The following NRXN1 variants were observed in gnomAD, a reference collection of about 807,000 sequenced individuals.
NRXN1 encodes the protein neurexin-1.
NRXN1 carries 39 observed loss-of-function variants against 150.9 expected under a neutral mutation model. The observed-to-expected ratio is 0.26, with a 90% CI of 0.20 to 0.34. The LOEUF is 0.34. Among genes scored for constraint, NRXN1 ranks in the 10% least tolerant of loss-of-function variants. The probability of loss-of-function intolerance (pLI) is 1.00; values close to 1 mark genes in which losing one functional copy is unlikely to be tolerated. For missense variants in NRXN1, 1,815 were observed against 1,949.9 expected, an observed-to-expected ratio of 0.93 and a Z score of 1.30; for synonymous variants, 924 against 757.0, an observed-to-expected ratio of 1.22 and a Z score of -3.62.
chr2:50,372,340 G>A (rs575837739), intron 17 of NRXN1, among the ~76,000 whole-genome samples: 25 of 152,186 alleles, frequency 1.6e-4, no homozygotes, highest in African/African-American at 4.8e-4. Context: ...TAACTGGGAA[G>A]ATCAGAGCCT....
intron 21 of NRXN1, among the ~76,000 whole-genome samples, chr2:50,032,374 G>A (rs1248951923): frequency 6.6e-6 from 1 of 151,988 alleles, no homozygotes; most frequent in Non-Finnish European, 1.5e-5. Context: ...AAGATTAATT[G>A]GAGACAAGAA....
intron 17 of NRXN1, among the ~76,000 whole-genome samples, chr2:50,278,869 C>T (rs2071025389): frequency 6.6e-6 from 1 of 151,948 alleles, no homozygotes; most frequent in Admixed American, 6.6e-5. Context: ...TGTCACTGGC[C>T]TGACAAACCA....
At chr2:50,630,133 G>A (rs964524674) in intron 5 of NRXN1, among the ~76,000 whole-genome samples, 32 of 151,530 alleles carry the variant, frequency 2.1e-4, no homozygotes, top group African/African-American at 7.7e-4. Context: ...TAACTTAGAA[G>A]AAAATTCACA....
At chr2:50,701,993 T>C (rs1693807141) in intron 5 of NRXN1, among the ~76,000 whole-genome samples, 1 of 152,180 alleles carries the variant, frequency 6.6e-6, no homozygotes. Flanking sequence ...TAATAACTTC[T>C]GTATCTTTAC....
intron 9 of NRXN1, among the ~76,000 whole-genome samples, chr2:50,545,052 TAGA>T (rs1345400023): frequency 6.6e-6 from 1 of 152,292 alleles, no homozygotes; most frequent in South Asian, 2.1e-4. Flanking sequence ...TATTGATGCC[TAGA>T]AGAAGAACTG....
At chr2:49,987,637 T>G (rs1681155503) in intron 21 of NRXN1, among the ~76,000 whole-genome samples, 1 of 152,156 alleles carries the variant, frequency 6.6e-6, no homozygotes, top group Admixed American at 6.5e-5. Context: ...TTTAATGACC[T>G]TTAAAATATG....
rs1164121982 is a variant in NRXN1, at chr2:50,093,123, A to T, written c.3547-1629T>A. 4.6e-5 allele frequency among the ~76,000 whole-genome samples: 7 copies of T among 152,304 alleles called. No homozygotes were observed. The South Asian group carries it at 1.2e-3, about 27-fold the overall frequency. ...TACAAAAAGGTCTGAGCTAAAAAAA[A>T]ATCTTTAAAAAAATCTCCATAAGTC... On this transcript the variant is annotated intron_variant, in intron 18 of 22. Transcript: ENST00000401669.
At chr2:50,816,019 C>T (rs1668879169) in intron 5 of NRXN1, among the ~76,000 whole-genome samples, 1 of 152,182 alleles carries the variant, frequency 6.6e-6, no homozygotes, top group African/African-American at 2.4e-5. Flanking sequence ...CGTAAACAAA[C>T]ATCCTAAGAT....
intron 5 of NRXN1, among the ~76,000 whole-genome samples, chr2:50,903,784 G>T (rs189535360): frequency 1.1e-3 from 168 of 152,226 alleles, no homozygotes; most frequent in African/African-American, 4.0e-3. Flanking sequence ...ATGGCTCAAA[G>T]GTACTTTCAG....
intron 8 of NRXN1, among the ~76,000 whole-genome samples, chr2:50,614,508 G>A (rs760800479): frequency 1.3e-5 from 2 of 151,626 alleles, no homozygotes; most frequent in Non-Finnish European, 2.9e-5. Context: ...GAGCGGGGAG[G>A]GATAGCATTA....
intron 18 of NRXN1, among the ~76,000 whole-genome samples, chr2:50,212,685 CAAAT>C (rs1381586572): frequency 1.3e-5 from 2 of 151,716 alleles, no homozygotes; most frequent in Non-Finnish European, 2.9e-5. Context: ...TCTTAGGAAA[CAAAT>C]AAACCAAAAA....
intron 5 of NRXN1, among the ~76,000 whole-genome samples, chr2:50,791,495 T>C (rs1396086470): frequency 6.6e-6 from 1 of 152,152 alleles, no homozygotes; most frequent in Non-Finnish European, 1.5e-5. Context: ...TATGGGCTCA[T>C]CTTCTCGCCC....
At chr2:49,993,268 GA>G (rs1682336208) in intron 21 of NRXN1, among the ~76,000 whole-genome samples, 2 of 151,900 alleles carry the variant, frequency 1.3e-5, no homozygotes, top group Admixed American at 6.6e-5. Context: ...AGACATGAAG[GA>G]ATCTTAAATG....
intron 17 of NRXN1, among the ~76,000 whole-genome samples, chr2:50,339,893 G>T (rs2152991886): frequency 6.6e-6 from 1 of 152,238 alleles, no homozygotes; most frequent in South Asian, 2.1e-4. Flanking sequence ...CTCTTTTGTG[G>T]CTAATTTTAT....
intron 21 of NRXN1, among the ~76,000 whole-genome samples, chr2:50,047,016 T>C (rs1691911314): frequency 6.6e-6 from 1 of 152,140 alleles, no homozygotes; most frequent in Non-Finnish European, 1.5e-5. Flanking sequence ...GTCTATCACA[T>C]AGAATGTATA....
chr2:50,525,032 G>T (rs2092908768), intron 12 of NRXN1, among the ~76,000 whole-genome samples: 1 of 152,114 alleles, frequency 6.6e-6, no homozygotes. Context: ...CTAATGTCCT[G>T]TACAGAACCT....
chr2:50,526,276 T>C (rs2092949417), intron 12 of NRXN1, among the ~76,000 whole-genome samples: 1 of 152,220 alleles, frequency 6.6e-6, no homozygotes, highest in Admixed American at 6.6e-5. Context: ...ATATTTCTTG[T>C]GATAATTTTC....
intron 8 of NRXN1, among the ~76,000 whole-genome samples, chr2:50,584,932 G>A (rs920292758): frequency 1.5e-4 from 23 of 152,148 alleles, no homozygotes; most frequent in African/African-American, 5.3e-4. Context: ...GGATGTTCTC[G>A]AGTGTGGCAT....
chr2:50,650,319 G>C (rs1160294636), intron 5 of NRXN1, among the ~76,000 whole-genome samples: 1 of 152,038 alleles, frequency 6.6e-6, no homozygotes, highest in Non-Finnish European at 1.5e-5. Flanking sequence ...TATGACTCCT[G>C]ACATTGTGTG....
Sources: allele counts gnomAD v4.1 joint callset (sites outside exome capture counted in the v4.1 genomes callset), GRCh38; gene constraint gnomAD v4.1.1; transcripts MANE v1.5; gene names NCBI Gene and HGNC (gene_info 2026-07-23, HGNC 2026-07-21).